Variants in CTDSPL2 observed in about 807,000 individuals in gnomAD.
CTDSPL2 encodes CTD small phosphatase-like protein 2.
In CTDSPL2, 5 loss-of-function variants were observed where a neutral mutation model predicts 60.0. The ratio of observed to expected loss-of-function variants is 0.08; its 90% confidence interval spans 0.04 to 0.18. CTDSPL2 has a LOEUF of 0.18. Ranked by LOEUF, CTDSPL2 falls within the 10% of genes least tolerant of loss-of-function variation. The pLI, the probability that CTDSPL2 is intolerant of heterozygous loss-of-function variation, is 1.00. For missense variants in CTDSPL2, 370 were observed against 548.8 expected, an observed-to-expected ratio of 0.67 and a Z score of 3.26; for synonymous variants, 186 against 189.3, an observed-to-expected ratio of 0.98 and a Z score of 0.14.
intron 2 of CTDSPL2, among the ~76,000 whole-genome samples, chr15:44,460,063 G>T (rs2080533439): frequency 6.6e-6 from 1 of 152,096 alleles, no homozygotes; most frequent in Admixed American, 6.5e-5. Context: ...GTTGTTTTCA[G>T]ATTAGATGGT....
At chr15:44,515,925 C>T (rs1377497075) in intron 10 of CTDSPL2, among the ~76,000 whole-genome samples, 1 of 149,454 alleles carries the variant, frequency 6.7e-6, no homozygotes, top group Non-Finnish European at 1.5e-5. Flanking sequence ...TTCGTTCTTT[C>T]TCTCTCTCTT....
At position 44,496,453 on chromosome 15, in the gene CTDSPL2, T is replaced by C. The variant is rs749289618; in HGVS notation, c.765T>C (p.Phe255=). The part of the protein sequence containing the change: ...EATYEEDWEV[F]DPYYFIKHVP... ...CCTATGAAGAAGACTGGGAAGTATT[T>C]GACCCGTGAGTTGCTTTTTTCTCTT... The change falls in exon 6 of 13, where the codon TTT becomes TTC. Residue 255 remains phenylalanine, a synonymous_variant. Transcript: ENST00000260327. 3 of 1,613,330 alleles carry C rather than the reference T, an allele frequency of 1.9e-6. No homozygotes were observed. Among genetic ancestry groups the C allele is most frequent in the Non-Finnish European group, 2.5e-6 (3 of 1,179,348 alleles).
chr15:44,495,649 A>G (rs998924965), intron 5 of CTDSPL2, among the ~76,000 whole-genome samples: 1 of 151,664 alleles, frequency 6.6e-6, no homozygotes, highest in African/African-American at 2.4e-5. Context: ...AAGACTGTTC[A>G]TGGTCCGGGC....
At chr15:44,471,400 A>G (rs7172106) in intron 2 of CTDSPL2, among the ~76,000 whole-genome samples, 14,001 of 152,062 alleles carry the variant, frequency 0.092, 1,324 homozygotes, top group East Asian at 0.23. Flanking sequence ...CATTTTTTTG[A>G]AGTGTAGAAG....
intron 7 of CTDSPL2, among the ~76,000 whole-genome samples, chr15:44,499,265 C>T (rs1024284345): frequency 3.3e-5 from 5 of 152,096 alleles, no homozygotes; most frequent in African/African-American, 7.2e-5. Context: ...ATTAGCCAGA[C>T]GTGATTGCTG....
intron 1 of CTDSPL2, among the ~76,000 whole-genome samples, chr15:44,446,367 C>T (rs1260385605): frequency 1.3e-5 from 2 of 152,164 alleles, no homozygotes; most frequent in Admixed American, 6.5e-5. Context: ...GTGGCTCACG[C>T]CTGTAATCCC....
chr15:44,428,536 G>A (rs1407077065), intron 1 of CTDSPL2, among the ~76,000 whole-genome samples: 1 of 152,224 alleles, frequency 6.6e-6, no homozygotes, highest in Non-Finnish European at 1.5e-5. Flanking sequence ...ATGTGTGAAT[G>A]ATGTTAAACA....
intron 4 of CTDSPL2, among the ~76,000 whole-genome samples, chr15:44,487,634 T>C (rs1392912675): frequency 6.6e-6 from 1 of 152,138 alleles, no homozygotes; most frequent in African/African-American, 2.4e-5. Context: ...CATAGTGTAT[T>C]TGAGAGCTGT....
chr15:44,469,145 G>GA (rs2080755412), intron 2 of CTDSPL2, among the ~76,000 whole-genome samples: 1 of 152,116 alleles, frequency 6.6e-6, no homozygotes, highest in Non-Finnish European at 1.5e-5. Flanking sequence ...ATATATGGAG[G>GA]AAAAAACAGT....
At chr15:44,484,134 A>G (rs544432311) in intron 2 of CTDSPL2, 90 bp from the exon 3 acceptor site, 189 of 1,169,362 alleles carry the variant, frequency 1.6e-4, no homozygotes, top group Non-Finnish European at 2.1e-4. Flanking sequence ...AGAGGAAAGT[A>G]TATTATACCG....
chr15:44,491,222 T>C (rs1322539168), intron 5 of CTDSPL2, among the ~76,000 whole-genome samples: 1 of 152,228 alleles, frequency 6.6e-6, no homozygotes, highest in East Asian at 1.9e-4. Flanking sequence ...ATTTTACAGT[T>C]TAATTATTAC....
intron 1 of CTDSPL2, among the ~76,000 whole-genome samples, chr15:44,457,430 C>A (rs1160554291): frequency 6.6e-6 from 1 of 152,176 alleles, no homozygotes; most frequent in Non-Finnish European, 1.5e-5. Context: ...ATAGTGCTAG[C>A]TTCAAACTTT....
chr15:44,439,158 TA>T (rs1701608311), intron 1 of CTDSPL2, among the ~76,000 whole-genome samples: 2 of 151,524 alleles, frequency 1.3e-5, no homozygotes, highest in Admixed American at 6.6e-5. Context: ...TTTATTTATT[TA>T]TTTTTTTAAG....
At chr15:44,431,846 C>T (rs1428163723) in intron 1 of CTDSPL2, among the ~76,000 whole-genome samples, 1 of 150,372 alleles carries the variant, frequency 6.7e-6, no homozygotes, top group African/African-American at 2.4e-5. Flanking sequence ...GCCTCCCAAG[C>T]AGCTGGGATT....
intron 8 of CTDSPL2, among the ~76,000 whole-genome samples, chr15:44,510,544 CAT>C (rs1398820514): frequency 6.6e-6 from 1 of 151,902 alleles, no homozygotes; most frequent in African/African-American, 2.4e-5. Context: ...TTTGAAGAAA[CAT>C]GTATACTAGA....
chr15:44,515,914 G>A (rs576052291), intron 10 of CTDSPL2, among the ~76,000 whole-genome samples: 89 of 151,080 alleles, frequency 5.9e-4, no homozygotes, highest in African/African-American at 2.1e-3. Flanking sequence ...TGGTTGGTTC[G>A]TTCGTTCTTT....
At chr15:44,490,519 T>G (rs943532998) in intron 4 of CTDSPL2, among the ~76,000 whole-genome samples, 1 of 152,198 alleles carries the variant, frequency 6.6e-6, no homozygotes, top group African/African-American at 2.4e-5. Context: ...GAACAGCTAA[T>G]TTTTTGATAC....
At chr15:44,505,735 C>CAAAAAA (rs34005065) in intron 8 of CTDSPL2, among the ~76,000 whole-genome samples, 1 of 73,942 alleles carries the variant, frequency 1.4e-5, no homozygotes. Context: ...CTCTGTCTCC[C>CAAAAAA]AAAAAAAAAA....
At chr15:44,473,170 C>T (rs757674306) in intron 2 of CTDSPL2, among the ~76,000 whole-genome samples, 7 of 152,146 alleles carry the variant, frequency 4.6e-5, no homozygotes, top group Non-Finnish European at 1.0e-4. Flanking sequence ...TGCTGTGGAC[C>T]CTTTCTGAAA....
Sources: allele counts gnomAD v4.1 joint callset (sites outside exome capture counted in the v4.1 genomes callset), GRCh38; gene constraint gnomAD v4.1.1; transcripts MANE v1.5; gene names NCBI Gene and HGNC (gene_info 2026-07-23, HGNC 2026-07-21).